The following FAM222A variants were observed in gnomAD, a reference collection of about 807,000 sequenced individuals.
The protein encoded by FAM222A is protein FAM222A.
Under a neutral mutation model 25.8 loss-of-function variants are expected in FAM222A, and 7 were observed. The ratio of observed to expected loss-of-function variants is 0.27; its 90% CI spans 0.15 to 0.51. The LOEUF (loss-of-function observed/expected upper bound fraction) is 0.51. Among genes scored for constraint, FAM222A ranks in the 20% least tolerant of loss-of-function variants. The pLI, the probability that FAM222A is intolerant of heterozygous loss-of-function variation, is 0.97. For missense variants in FAM222A, 573 were observed against 640.5 expected (o/e 0.89, Z 1.14); for synonymous variants, 294 against 298.8 (o/e 0.98, Z 0.17).
chr12:109,763,376 C>T (rs886405485), intron 2 of FAM222A, among the ~76,000 whole-genome samples: 3 of 152,210 alleles, frequency 2.0e-5, no homozygotes, highest in Non-Finnish European at 4.4e-5. Context: ...TAATATTTCT[C>T]ATGGTTTCTG....
At position 109,766,679 on chromosome 12, in the gene FAM222A, G is replaced by A. The variant is rs185401344; in HGVS notation, c.83-1333G>A. Among the ~76,000 whole-genome samples, 6 of 152,356 alleles carry A rather than the reference G, an allele frequency of 3.9e-5. No homozygotes were observed. In the East Asian group the frequency reaches 9.6e-4, roughly 24 times the overall value. On this transcript the variant is annotated intron_variant, in intron 2 of 2. Coordinates refer to ENST00000538780, the MANE Select transcript of FAM222A (RefSeq NM_032829.3). ...AGGAATGTCCCCCAGAGTGGTGACA[G>A]AATGAAAGATGACACCAAGCACTGG...
intron 1 of FAM222A, among the ~76,000 whole-genome samples, chr12:109,717,275 C>T (rs1887662878): frequency 6.6e-6 from 1 of 152,234 alleles, no homozygotes; most frequent in East Asian, 1.9e-4. Flanking sequence ...CCCCAGGACT[C>T]CTTTCTCCAG....
At chr12:109,725,519 G>T (rs1276525323) in intron 1 of FAM222A, among the ~76,000 whole-genome samples, 1 of 143,350 alleles carries the variant, frequency 7.0e-6, no homozygotes, top group African/African-American at 2.5e-5. Flanking sequence ...CCCGAGCGGG[G>T]GTTCCAGTGT....
At chr12:109,761,968 C>T (rs1391687863) in intron 2 of FAM222A, among the ~76,000 whole-genome samples, 1 of 151,514 alleles carries the variant, frequency 6.6e-6, no homozygotes, top group Non-Finnish European at 1.5e-5. Context: ...GCACCAACTG[C>T]TTCCCCAGCT....
chr12:109,723,673 G>T (rs1164339624), intron 1 of FAM222A, among the ~76,000 whole-genome samples: 2 of 152,252 alleles, frequency 1.3e-5, no homozygotes, highest in African/African-American at 4.8e-5. Context: ...GAAGGCTGGG[G>T]GATGCCCGGA....
chr12:109,760,842 C>T (rs1045040000), intron 2 of FAM222A, among the ~76,000 whole-genome samples: 18 of 152,124 alleles, frequency 1.2e-4, no homozygotes, highest in Admixed American at 1.2e-3. Context: ...CAGGGGCCTG[C>T]GGGAAGGAGA....
At chr12:109,748,776 A>T (rs969995149) in intron 2 of FAM222A, among the ~76,000 whole-genome samples, 2 of 152,148 alleles carry the variant, frequency 1.3e-5, no homozygotes, top group Admixed American at 6.5e-5. Flanking sequence ...TTAGCTAATG[A>T]TACTGTCTAT....
In FAM222A at chr12:109,760,183, A is replaced by G. The variant is rs946438326; in HGVS notation, c.83-7829A>G. ...CCTGCCTCATGGACAGCACCCCCAC[A>G]CACACATTTCACCACTTTGGATCAG... is the stretch of plus-strand genomic sequence containing the variant. On this transcript the variant is annotated intron_variant, in intron 2 of 2. Coordinates refer to ENST00000538780, the MANE Select transcript of FAM222A (RefSeq NM_032829.3). 7.2e-5 allele frequency among the ~76,000 whole-genome samples: 11 copies of G among 152,234 alleles called. 1 individual carries two copies. Among genetic ancestry groups the G allele is most frequent in the Admixed American group, 4.6e-4 (7 of 15,276 alleles).
intron 1 of FAM222A, among the ~76,000 whole-genome samples, chr12:109,737,589 A>C (rs1168106934): frequency 1.3e-5 from 2 of 151,490 alleles, no homozygotes; most frequent in Non-Finnish European, 2.9e-5. Context: ...CAACCTTAAA[A>C]AAAAAAAAAA....
chr12:109,757,476 G>A (rs776827505), intron 2 of FAM222A, among the ~76,000 whole-genome samples: 1 of 152,198 alleles, frequency 6.6e-6, no homozygotes, highest in African/African-American at 2.4e-5. Context: ...GTTATCCACA[G>A]GGAATAAGTG....
chr12:109,764,222 CA>C (rs59140628), intron 2 of FAM222A, among the ~76,000 whole-genome samples: 84 of 91,718 alleles, frequency 9.2e-4, no homozygotes, highest in Non-Finnish European at 1.0e-3. Flanking sequence ...ACCCTGTCTT[CA>C]AAAAAAAAAA....
intron 1 of FAM222A, among the ~76,000 whole-genome samples, chr12:109,721,868 C>A (rs1887753782): frequency 6.6e-6 from 1 of 152,296 alleles, no homozygotes; most frequent in East Asian, 1.9e-4. Flanking sequence ...TTCTGCAGAA[C>A]ACCTGCAGCA....
intron 1 of FAM222A, among the ~76,000 whole-genome samples, chr12:109,715,765 T>C (rs1887631931): frequency 6.7e-6 from 1 of 148,306 alleles, no homozygotes; most frequent in African/African-American, 2.6e-5. Flanking sequence ...ACAGAGCAAC[T>C]TTCTGTTTTG....
At chr12:109,731,454 G>C (rs942524123) in intron 1 of FAM222A, among the ~76,000 whole-genome samples, 1 of 152,080 alleles carries the variant, frequency 6.6e-6, no homozygotes, top group African/African-American at 2.4e-5. Context: ...TCTTCCTCTC[G>C]GAGCCTCTGC....
intron 2 of FAM222A, among the ~76,000 whole-genome samples, chr12:109,756,294 T>C (rs1316473613): frequency 6.6e-6 from 1 of 152,202 alleles, no homozygotes; most frequent in African/African-American, 2.4e-5. Flanking sequence ...TGAACTTCTT[T>C]ATTCTAATAG....
intron 1 of FAM222A, among the ~76,000 whole-genome samples, chr12:109,737,712 G>C (rs1257610076): frequency 1.3e-5 from 2 of 152,192 alleles, no homozygotes; most frequent in African/African-American, 4.8e-5. Flanking sequence ...AGCAGTGCCG[G>C]TGTGACTTGA....
At chr12:109,727,117 C>G (rs1156426393) in intron 1 of FAM222A, among the ~76,000 whole-genome samples, 2 of 152,000 alleles carry the variant, frequency 1.3e-5, no homozygotes, top group Non-Finnish European at 2.9e-5. Flanking sequence ...CCTGCCACAC[C>G]TTACACCCCC....
Position 109,768,944 on chromosome 12 carries a change from T to G in FAM222A, c.1015T>G (p.Phe339Val). The change falls in exon 3 of 3, where the codon TTC becomes GTC. Residue 339 changes from phenylalanine (F) to valine (V), a missense_variant. This residue lies in a region of FAM222A where 412 missense variants were observed against 407.0 expected (regional missense o/e 1.01). Coordinates refer to ENST00000538780, the MANE Select transcript of FAM222A (RefSeq NM_032829.3). Reference sequence around the variant, plus strand: ...CTGTGGCGTGGGGCTGCCCACCAGCTTCACCGTAGGCCAGTACTTTGCGGC... The same window carrying G: ...CTGTGGCGTGGGGCTGCCCACCAGCGTCACCGTAGGCCAGTACTTTGCGGC... ...LNCGVGLPTS[F>V]TVGQYFAAPW... is the part of the protein sequence containing the mutation. 1.3e-6 allele frequency: 2 copies of G among 1,574,480 alleles called. No homozygotes were observed. Among genetic ancestry groups the G allele is most frequent in the South Asian group, 2.3e-5 (2 of 87,318 alleles).
intron 2 of FAM222A, among the ~76,000 whole-genome samples, chr12:109,766,906 A>AT (rs1466520876): frequency 6.6e-6 from 1 of 151,788 alleles, no homozygotes; most frequent in Non-Finnish European, 1.5e-5. Context: ...ATTTACTTTT[A>AT]TTTTTTTGAG....
Sources: allele counts gnomAD v4.1 joint callset (sites outside exome capture counted in the v4.1 genomes callset), GRCh38; gene constraint gnomAD v4.1.1; regional missense constraint gnomAD v4.1.1; transcripts MANE v1.5; gene names NCBI Gene and HGNC (gene_info 2026-07-23, HGNC 2026-07-21).